Variants in HHIPL1 observed in about 807,000 individuals in gnomAD.
The protein encoded by HHIPL1 is HHIP-like protein 1.
HHIPL1 carries 43 observed loss-of-function variants against 61.8 expected under a neutral mutation model. The ratio of observed to expected loss-of-function variants is 0.70; its 90% CI spans 0.55 to 0.90. HHIPL1 has a LOEUF of 0.90. HHIPL1 is among the 40% of genes least tolerant of loss of function. The pLI is 0.00. For missense variants in HHIPL1, 1,056 were observed against 1,157.7 expected (o/e 0.91, Z 1.28); for synonymous variants, 482 against 515.8 (o/e 0.93, Z 0.89).
upstream of HHIPL1, among the ~76,000 whole-genome samples, chr14:99,640,608 T>G (rs185519757): frequency 6.6e-6 from 1 of 152,246 alleles, no homozygotes; most frequent in African/African-American, 2.4e-5. Context: ...TAATAGACTT[T>G]TTGAACCATT....
intron 6 of HHIPL1, among the ~76,000 whole-genome samples, chr14:99,667,716 T>C (rs1163651854): frequency 6.6e-6 from 1 of 152,182 alleles, no homozygotes; most frequent in Non-Finnish European, 1.5e-5. Flanking sequence ...AGCTAGCTAA[T>C]GCTGATGAAG....
intron 2 of HHIPL1, among the ~76,000 whole-genome samples, chr14:99,656,245 C>T (rs1420346773): frequency 6.6e-6 from 1 of 152,196 alleles, no homozygotes; most frequent in Non-Finnish European, 1.5e-5. Flanking sequence ...ATAATCATAA[C>T]AGGGCAGGTG....
chr14:99,651,551 A>T (rs141409825), intron 1 of HHIPL1, among the ~76,000 whole-genome samples: 30 of 152,278 alleles, frequency 2.0e-4, no homozygotes, highest in African/African-American at 6.5e-4. Context: ...AAACTAAACC[A>T]TGCGTGAGAA....
upstream of HHIPL1, among the ~76,000 whole-genome samples, chr14:99,642,474 G>A (rs2055764170): frequency 6.6e-6 from 1 of 151,902 alleles, no homozygotes; most frequent in African/African-American, 2.4e-5. Flanking sequence ...CTACTTGTCA[G>A]CTCGGCAAGG....
chr14:99,668,386 C>T lies in HHIPL1; in HGVS notation c.1730+83C>T. ...ACGGGCTTGTCCCCTCCGCCTCGCC[C>T]TCAGGTGGGTGGTATTAATCCCCAT... On this transcript the variant is annotated intron_variant, in intron 7 of 8. Transcript: ENST00000330710. The surrounding 1 kb of genome is among the most constrained non-coding windows in gnomAD (Gnocchi z 4.7). 1 of 834,300 alleles carries T rather than the reference C, an allele frequency of 1.2e-6. No homozygotes were observed. The allele number at this position is 834,300 out of a possible 1,614,324, so 51.7% of individuals were successfully genotyped here.
chr14:99,637,735 C>T, the HHIPL1 span, among the ~76,000 whole-genome samples: 1 of 152,126 alleles, frequency 6.6e-6, no homozygotes, highest in Non-Finnish European at 1.5e-5. Context: ...CACGTGAGGC[C>T]ATGGTGTCAG....
In HHIPL1 at chr14:99,668,183, C is replaced by T; in HGVS notation, c.1649-39C>T. 3 of 1,282,476 alleles carry T rather than the reference C, an allele frequency of 2.3e-6. No homozygotes were observed. The highest frequency in any genetic ancestry group is 3.4e-6 in the Non-Finnish European group (3 of 877,190). 79.4% of individuals were successfully genotyped at this position (1,282,476 alleles called of 1,614,324 possible). A position where few individuals can be genotyped will look rare whatever the true frequency, so the allele number is the denominator to read the frequency against. Reference sequence around the variant, plus strand: ...GGCGGGGCTGGCTGGGACGGTATTCCAGGTGGGGGTCTCACTAGTCACTTT... The same window carrying T: ...GGCGGGGCTGGCTGGGACGGTATTCTAGGTGGGGGTCTCACTAGTCACTTT... On this transcript the variant is annotated intron_variant, in intron 6 of 8. Transcript: ENST00000330710. The surrounding 1 kb of genome is among the most constrained non-coding windows in gnomAD (Gnocchi z 4.7).
chr14:99,664,306 T>C (rs2056205647), intron 6 of HHIPL1, among the ~76,000 whole-genome samples: 1 of 152,140 alleles, frequency 6.6e-6, no homozygotes, highest in African/African-American at 2.4e-5. Context: ...AATCTGAATT[T>C]CCAAAAAGGC....
In HHIPL1 at chr14:99,675,555, G is replaced by A. The variant is rs1236823459; in HGVS notation, c.2278G>A (p.Val760Met). 5 of 1,539,210 alleles carry A rather than the reference G, an allele frequency of 3.2e-6. No homozygotes were observed. The South Asian group carries it at 6.0e-5, about 18-fold the overall frequency. ...CCTGCTGGAGTGCCAGCACAACGGC[G>A]TGGGCACCCACAACTGCGAGCACGA... ...RNLLECQHNG[V>M]GTHNCEHDED... is the part of the protein sequence containing the mutation. Residue 760 changes from valine to methionine, a missense_variant, in exon 9 of 9, where the codon GTG (valine) becomes ATG (methionine). Transcript: ENST00000330710. This position sits in a 1 kb window ranked among gnomAD's most constrained non-coding sequence, Gnocchi z 5.4.
chr14:99,675,824 C>T lies in HHIPL1; in HGVS notation c.*198C>T, dbSNP rs1463678957. 11 of 485,232 alleles carry T rather than the reference C, an allele frequency of 2.3e-5. No homozygotes were observed. The highest frequency in any genetic ancestry group is 3.1e-5 in the Non-Finnish European group (9 of 286,176). 30.1% of individuals were successfully genotyped at this position (485,232 alleles called of 1,614,324 possible). On this transcript the variant is annotated 3_prime_UTR_variant, in exon 9 of 9. Transcript: ENST00000330710. The surrounding 1 kb of genome is among the most constrained non-coding windows in gnomAD (Gnocchi z 5.4). ...CCAAGGCAGGAGTGTGTGTTGGGGG[C>T]GGTGTGGGCTCTGGAAGTGCATGGT...
At chr14:99,624,034 C>T in the HHIPL1 span, among the ~76,000 whole-genome samples, 1 of 152,234 alleles carries the variant, frequency 6.6e-6, no homozygotes, top group African/African-American at 2.4e-5. Flanking sequence ...GGGCACCTCT[C>T]ACATTGCCTT....
chr14:99,656,842 AG>A (rs60855727), intron 2 of HHIPL1, among the ~76,000 whole-genome samples, 157 bp from the exon 3 acceptor site: 1 of 9,782 alleles, frequency 1.0e-4, no homozygotes. Flanking sequence ...AAAGAAAGGA[AG>A]GAAGGAAGGA....
rs527729489 is a variant in HHIPL1, at chr14:99,663,704, G to A, written c.1648+683G>A. ...ACAGGCATCTGACACCTCCTCATGC[G>A]TCTTCACCTCTCTGAGCTCCCGTTT... On this transcript the variant is annotated intron_variant, in intron 6 of 8. Coordinates refer to ENST00000330710, the MANE Select transcript of HHIPL1 (RefSeq NM_001127258.3). 3.9e-5 allele frequency among the ~76,000 whole-genome samples: 6 copies of A among 152,222 alleles called. No homozygotes were observed. In the South Asian group the frequency reaches 6.2e-4, roughly 16 times the overall value.
chr14:99,625,411 A>G, the HHIPL1 span: 1 of 152,356 alleles, frequency 6.6e-6, no homozygotes, highest in South Asian at 2.1e-4. Flanking sequence ...TTGTCACCAC[A>G]ATAGAATACT....
the HHIPL1 span, among the ~76,000 whole-genome samples, chr14:99,616,440 G>A: frequency 6.6e-6 from 1 of 152,200 alleles, no homozygotes; most frequent in Non-Finnish European, 1.5e-5. Flanking sequence ...ATAGGGGAGG[G>A]GATTGGCCTG....
the HHIPL1 span, among the ~76,000 whole-genome samples, chr14:99,624,195 A>C: frequency 6.6e-6 from 1 of 152,002 alleles, no homozygotes; most frequent in Non-Finnish European, 1.5e-5. Context: ...CGGCCACAGC[A>C]CTCAGCCACT....
Position 99,662,874 on chromosome 14 carries a change from A to T in HHIPL1, c.1503-2A>T. The T allele has an allele frequency of 6.3e-7, 1 of 1,584,720 alleles. No homozygotes were observed. The highest frequency in any genetic ancestry group is 8.6e-7 in the Non-Finnish European group (1 of 1,167,804). The stretch of plus-strand genomic sequence containing the variant: ...GGCCTCACAGCTCATCTTCCTTTGC[A>T]GGCGTCTGATGTCCCTCCAAGAGAA... On this transcript the variant is annotated splice_acceptor_variant, in intron 5 of 8. Coordinates refer to ENST00000330710, the MANE Select transcript of HHIPL1 (RefSeq NM_001127258.3). LOFTEE classifies it high-confidence loss of function.
In HHIPL1 at chr14:99,654,013, A is replaced by G. The variant is rs368147968; in HGVS notation, c.902+1143A>G. On this transcript the variant is annotated intron_variant, in intron 2 of 8. Transcript: ENST00000330710. Reference sequence around the variant, plus strand: ...AGACCAGCCTGGCCAACATGGCGAAACCCTGTCTCTACTAAAAACACAAAA... The same window carrying G: ...AGACCAGCCTGGCCAACATGGCGAAGCCCTGTCTCTACTAAAAACACAAAA... Among the ~76,000 whole-genome samples, 81 of 152,186 alleles carry G rather than the reference A, an allele frequency of 5.3e-4. 2 individuals are homozygous for G. In the South Asian group the frequency reaches 0.015, roughly 27 times the overall value.
chr14:99,659,098 G>A (rs1265586462), intron 3 of HHIPL1, among the ~76,000 whole-genome samples: 3 of 152,274 alleles, frequency 2.0e-5, no homozygotes, highest in Middle Eastern at 3.4e-3. Context: ...TCTGAGCTCC[G>A]CTGCCACATC....
Sources: gnomAD v4.1 joint callset for allele counts (sites outside exome capture counted in the v4.1 genomes callset) on GRCh38, gnomAD v4.1.1 for gene constraint, Gnocchi (gnomAD v3.1) non-coding constraint, MANE v1.5 for transcripts, NCBI Gene and HGNC (gene_info 2026-07-23, HGNC 2026-07-21) for gene names.